Variants in POLR3E observed in about 807,000 individuals in gnomAD.
POLR3E encodes the protein DNA-directed RNA polymerase III subunit RPC5.
A neutral mutation model predicts 96.6 loss-of-function variants in POLR3E; 41 were observed. The observed-to-expected ratio is 0.42, with a 90% CI of 0.33 to 0.55. The LOEUF (loss-of-function observed/expected upper bound fraction) is 0.55. Among genes scored for constraint, POLR3E ranks in the 20% least tolerant of loss-of-function variants. The pLI is 0.06. For synonymous variants in POLR3E, 396 were observed against 383.6 expected, an observed-to-expected ratio of 1.03 and a Z score of -0.38; for missense variants, 849 against 952.1, an observed-to-expected ratio of 0.89 and a Z score of 1.43.
intron 18 of POLR3E, 24 bp downstream of exon 18, chr16:22,326,302 G>A: frequency 1.6e-6 from 1 of 639,458 alleles, no homozygotes. Context: ...TGCCTGCCAG[G>A]GGCATGGGGG....
intron 16 of POLR3E, 138 bp from the exon 17 acceptor site, chr16:22,325,067 C>T (rs2048550596): frequency 1.4e-6 from 1 of 733,148 alleles, no homozygotes; most frequent in Non-Finnish European, 2.5e-6. Flanking sequence ...AGAAGAGGGA[C>T]TCAGTAGGGC....
At chr16:22,332,562 A>G (rs2048763043) in intron 20 of POLR3E, among the ~76,000 whole-genome samples, 1 of 152,136 alleles carries the variant, frequency 6.6e-6, no homozygotes, top group Non-Finnish European at 1.5e-5. Context: ...CTAAAACAAT[A>G]GAACAACAAA....
At chr16:22,304,786 G>C (rs1455574246) in intron 2 of POLR3E, among the ~76,000 whole-genome samples, 1 of 152,216 alleles carries the variant, frequency 6.6e-6, no homozygotes, top group Non-Finnish European at 1.5e-5. Context: ...GGCCCAGCCA[G>C]GAGGCACAGG....
At position 22,318,691 on chromosome 16, in the gene POLR3E, A is replaced by C. The variant is rs2048408571; in HGVS notation, c.866-135A>C. 2.4e-6 allele frequency: 2 copies of C among 842,870 alleles called. No homozygotes were observed. Among genetic ancestry groups the C allele is most frequent in the African/African-American group, 1.7e-5 (1 of 58,858 alleles). The allele number at this position is 842,870 out of a possible 1,614,324, so 52.2% of individuals were successfully genotyped here. ...AGCCTGAGAGTGTCAGCTGTTGGCT[A>C]TGATGGGTGTCATTACTGTTAGTTA... On this transcript the variant is annotated intron_variant, in intron 12 of 20. Transcript: ENST00000299853. The surrounding 1 kb of genome is among the most constrained non-coding windows in gnomAD (Gnocchi z 5.0).
rs61043068 is a variant in POLR3E, at chr16:22,308,249, T to C, written c.165+24T>C. The C allele has an allele frequency of 5.6e-3, 8,837 of 1,585,422 alleles. 286 individuals are homozygous for C. The African/African-American group carries it at 0.073, about 13-fold the overall frequency. On this transcript the variant is annotated intron_variant, in intron 4 of 20. Transcript: ENST00000299853. ...AGGTGGGGCTGCCCCCTGAGGGCAG[T>C]TGGGGCCGAAAGAGAGGGTGATGAG...
intron 6 of POLR3E, among the ~76,000 whole-genome samples, chr16:22,310,504 A>G (rs2048223549): frequency 6.6e-6 from 1 of 151,752 alleles, no homozygotes; most frequent in Non-Finnish European, 1.5e-5. Context: ...CCAGGCTGAT[A>G]TCAAACTCCT....
In POLR3E at chr16:22,308,943, A is replaced by G. The variant is rs1166517993; in HGVS notation, c.184A>G (p.Ile62Val). ...KQQKVELEMA[I>V]DTLNPNYCRS... ...CCTCCAGGTAGAGCTTGAGATGGCC[A>G]TCGACACCCTGAACCCCAACTATTG... Residue 62 changes from isoleucine (I) to valine (V), a missense_variant, in exon 5 of 21, where the codon ATC becomes GTC. Coordinates refer to ENST00000299853, the MANE Select transcript of POLR3E (RefSeq NM_018119.4). 2.5e-6 allele frequency: 4 copies of G among 1,613,680 alleles called. No individual in the cohort carries two copies. Among genetic ancestry groups the G allele is most frequent in the Admixed American group, 1.7e-5 (1 of 60,002 alleles).
At position 22,324,518 on chromosome 16, in the gene POLR3E, G is replaced by A; in HGVS notation, c.1144G>A (p.Val382Met). Residue 382 changes from valine (V) to methionine (M), a missense_variant, in exon 16 of 21, where the codon GTG (valine) becomes ATG (methionine). By Grantham distance (21) the Val-to-Met change is conservative. Coordinates refer to ENST00000299853, the MANE Select transcript of POLR3E (RefSeq NM_018119.4). ...TCCCCTCCAGCTCTGCGCCGAGGATGTGAAGGACTTCCTGGAGCACATGGC... is the reference window on the plus strand; with the variant it reads ...TCCCCTCCAGCTCTGCGCCGAGGATATGAAGGACTTCCTGGAGCACATGGC... ...ATVTKLCAEDVKDFLEHMAVV... is the reference protein window; with the variant it reads ...ATVTKLCAEDMKDFLEHMAVV... 6.2e-7 allele frequency: 1 copy of A among 1,612,258 alleles called. No homozygotes were observed. Among genetic ancestry groups the A allele is most frequent in the Non-Finnish European group, 8.5e-7 (1 of 1,179,174 alleles).
intron 3 of POLR3E, among the ~76,000 whole-genome samples, chr16:22,307,539 G>T (rs1480789452): frequency 6.6e-6 from 1 of 152,204 alleles, no homozygotes; most frequent in African/African-American, 2.4e-5. Context: ...GTGGACAGGA[G>T]CCCCTGCGTG....
rs1415256164 is a variant in POLR3E at position 22,309,294 on chromosome 16, G to A, written c.282-134G>A. ...TCCCCAGGCTGCCCTCCTGAGACCC[G>A]CGTAGGCTGCCCTGCGGCCTTGGTC... On this transcript the variant is annotated intron_variant, in intron 5 of 20. Transcript: ENST00000299853. 20 of 779,424 alleles carry A rather than the reference G, an allele frequency of 2.6e-5. No individual in the cohort carries two copies. In the East Asian group the frequency reaches 2.9e-4, roughly 11 times the overall value. The allele number at this position is 779,424 out of a possible 1,614,324, so 48.3% of individuals were successfully genotyped here. A position where few individuals can be genotyped will look rare whatever the true frequency, so the allele number is the denominator to read the frequency against.
chr16:22,328,319 C>T (rs1351016581), intron 18 of POLR3E, 191 bp from the exon 19 acceptor site: 2 of 597,416 alleles, frequency 3.3e-6, no homozygotes, highest in Non-Finnish European at 6.1e-6. Context: ...GTGTGCTGGC[C>T]TCCTCCCCAT....
At chr16:22,321,604 C>G (rs1447365047) in intron 13 of POLR3E, among the ~76,000 whole-genome samples, 1 of 152,250 alleles carries the variant, frequency 6.6e-6, no homozygotes. Context: ...CCTGAGGACA[C>G]TGGCCCAGAG....
intron 3 of POLR3E, among the ~76,000 whole-genome samples, chr16:22,306,515 A>T (rs1189370273): frequency 1.3e-5 from 2 of 152,192 alleles, no homozygotes; most frequent in African/African-American, 2.4e-5. Context: ...GGCCTCCCAT[A>T]GTGCTGGGAT....
At chr16:22,307,143 A>G (rs978131262) in intron 3 of POLR3E, among the ~76,000 whole-genome samples, 7 of 152,130 alleles carry the variant, frequency 4.6e-5, no homozygotes, top group African/African-American at 1.7e-4. Context: ...GGAGGTGAGG[A>G]TGCTTAGCCT....
chr16:22,325,683 C>T, intron 17 of POLR3E, 78 bp from the exon 18 acceptor site: 1 of 1,452,938 alleles, frequency 6.9e-7, no homozygotes, highest in Non-Finnish European at 9.1e-7. Context: ...CCACTTGCTG[C>T]AGCCCCGCGG....
intron 3 of POLR3E, chr16:22,305,528 C>T: frequency 1.8e-6 from 1 of 563,292 alleles, no homozygotes; most frequent in East Asian, 4.2e-5. Flanking sequence ...CCTCACTTTC[C>T]TCACTTGCAA....
chr16:22,302,124 CCT>C (rs2141725065), intron 1 of POLR3E, among the ~76,000 whole-genome samples: 1 of 152,146 alleles, frequency 6.6e-6, no homozygotes, highest in African/African-American at 2.4e-5. Flanking sequence ...TTTCTCCTCC[CCT>C]CTGTTGTCAT....
intron 16 of POLR3E, 139 bp from the exon 17 acceptor site, chr16:22,325,066 A>G (rs2048550532): frequency 1.4e-6 from 1 of 733,104 alleles, no homozygotes; most frequent in African/African-American, 1.7e-5. Context: ...CAGAAGAGGG[A>G]CTCAGTAGGG....
At chr16:22,306,130 G>A (rs540843438) in intron 3 of POLR3E, among the ~76,000 whole-genome samples, 1 of 152,236 alleles carries the variant, frequency 6.6e-6, no homozygotes, top group South Asian at 2.1e-4. Context: ...TGCCTATTCC[G>A]GACTTTTCAC....
Sources: gnomAD v4.1 joint callset for allele counts (sites outside exome capture counted in the v4.1 genomes callset) on GRCh38, gnomAD v4.1.1 for gene constraint, Gnocchi (gnomAD v3.1) non-coding constraint, MANE v1.5 for transcripts, NCBI Gene and HGNC (gene_info 2026-07-23, HGNC 2026-07-21) for gene names.